The following SLC25A21 variants were observed in gnomAD, a reference collection of about 807,000 sequenced individuals.
SLC25A21 encodes solute carrier family 25 member 21.
In SLC25A21, 47 loss-of-function variants were observed where a neutral mutation model predicts 43.8. That is an observed-to-expected ratio of 1.07 (90% CI 0.85 to 1.37). The LOEUF (loss-of-function observed/expected upper bound fraction) is 1.37, where lower values mean the gene tolerates loss of function less well. Ranked by LOEUF, SLC25A21 falls within the 40% of genes most tolerant of loss-of-function variation. SLC25A21 has a pLI of 0.00. For missense variants in SLC25A21, 352 were observed against 350.2 expected, an observed-to-expected ratio of 1.00 and a Z score of -0.04; for synonymous variants, 131 against 121.3, an observed-to-expected ratio of 1.08 and a Z score of -0.52.
At chr14:37,071,115 C>A (rs1382073896) in intron 1 of SLC25A21, among the ~76,000 whole-genome samples, 1 of 152,158 alleles carries the variant, frequency 6.6e-6, no homozygotes, top group Non-Finnish European at 1.5e-5. Flanking sequence ...AAATGATTAG[C>A]CATTTGTAAA....
At chr14:37,047,871 GA>G (rs1488309426) in intron 1 of SLC25A21, among the ~76,000 whole-genome samples, 1 of 152,116 alleles carries the variant, frequency 6.6e-6, no homozygotes, top group African/African-American at 2.4e-5. Context: ...GCTTATCAGG[GA>G]AAACAACAAG....
At chr14:36,877,673 G>A (rs1177609) in intron 1 of SLC25A21, among the ~76,000 whole-genome samples, 55,899 of 151,906 alleles carry the variant, frequency 0.37, 10,579 homozygotes, top group East Asian at 0.43. Context: ...GAGGGGTAGG[G>A]AAGGGATTCA....
chr14:36,682,230 G>A (rs1882308105), intron 9 of SLC25A21, among the ~76,000 whole-genome samples: 1 of 149,700 alleles, frequency 6.7e-6, no homozygotes, highest in African/African-American at 2.5e-5. Flanking sequence ...TCATTCAAAA[G>A]TCTTAATCTT....
At chr14:36,776,557 G>C (rs1464934820) in intron 3 of SLC25A21, among the ~76,000 whole-genome samples, 2 of 151,824 alleles carry the variant, frequency 1.3e-5, no homozygotes, top group Admixed American at 6.6e-5. Flanking sequence ...TGCTTTCTTT[G>C]TTCCTATAAT....
At chr14:36,984,954 A>C (rs1278619582) in intron 1 of SLC25A21, among the ~76,000 whole-genome samples, 2 of 151,490 alleles carry the variant, frequency 1.3e-5, no homozygotes, top group South Asian at 2.1e-4. Context: ...AGACTGGATT[A>C]AGAAAATGTG....
Position 37,148,753 on chromosome 14 carries a change from T to C in SLC25A21, c.70+23528A>G, listed in dbSNP as rs138425869. ...GACTTGGTCTCTTCCTTAGAGGGGC[T>C]CACTCTTCATAAGACTTAAAAAACA... On this transcript the variant is annotated intron_variant, in intron 1 of 9. Transcript: ENST00000331299. 2.0e-3 allele frequency among the ~76,000 whole-genome samples: 309 copies of C among 152,230 alleles called. 3 individuals are homozygous for C. The highest frequency in any genetic ancestry group is 0.01 in the Middle Eastern group (3 of 294).
chr14:37,037,855 C>T (rs77415594), intron 1 of SLC25A21, among the ~76,000 whole-genome samples: 3,869 of 152,214 alleles, frequency 0.025, 171 homozygotes, highest in African/African-American at 0.088. Flanking sequence ...CTCTACTCAA[C>T]CAGAATCACT....
intron 3 of SLC25A21, 89 bp from the exon 4 acceptor site, chr14:36,734,662 G>A (rs905505022): frequency 5.5e-5 from 54 of 984,474 alleles, no homozygotes; most frequent in Admixed American, 1.5e-4. Context: ...AAGTATTCCC[G>A]ATTATTCAAC....
chr14:36,778,147 T>G (rs1886903856), intron 3 of SLC25A21, among the ~76,000 whole-genome samples: 2 of 152,194 alleles, frequency 1.3e-5, no homozygotes, highest in East Asian at 3.9e-4. Flanking sequence ...CTCCCTTCCT[T>G]CTTGTCTTAA....
At chr14:36,810,204 A>G (rs911338227) in intron 3 of SLC25A21, among the ~76,000 whole-genome samples, 1 of 152,176 alleles carries the variant, frequency 6.6e-6, no homozygotes, top group Non-Finnish European at 1.5e-5. Flanking sequence ...TCTAGAAGCA[A>G]TTATACATAC....
At chr14:36,956,974 C>A (rs1959357891) in intron 1 of SLC25A21, among the ~76,000 whole-genome samples, 1 of 152,118 alleles carries the variant, frequency 6.6e-6, no homozygotes, top group Non-Finnish European at 1.5e-5. Context: ...ATGAATAAAA[C>A]CAGAGCTTTT....
intron 6 of SLC25A21, among the ~76,000 whole-genome samples, chr14:36,724,498 T>C (rs189440028): frequency 1.3e-5 from 2 of 152,194 alleles, no homozygotes; most frequent in Non-Finnish European, 2.9e-5. Context: ...CAAACCAATT[T>C]CTACCACATG....
chr14:37,165,579 G>T (rs1221833803), intron 1 of SLC25A21, among the ~76,000 whole-genome samples: 1 of 152,152 alleles, frequency 6.6e-6, no homozygotes, highest in Admixed American at 6.5e-5. Flanking sequence ...GAGGCAGGAG[G>T]AGGGTCCTGG....
At chr14:36,793,533 C>CAAAAAAAAAAAAAAAA (rs35553282) in intron 3 of SLC25A21, among the ~76,000 whole-genome samples, 1 of 125,936 alleles carries the variant, frequency 7.9e-6, no homozygotes, top group Non-Finnish European at 1.7e-5. Flanking sequence ...AAAATACAAC[C>CAAAAAAAAAAAAAAAA]AAAAAAAAAA....
chr14:36,720,713 CTT>C (rs1222004297), intron 6 of SLC25A21, among the ~76,000 whole-genome samples: 3 of 152,234 alleles, frequency 2.0e-5, no homozygotes, highest in Non-Finnish European at 2.9e-5. Flanking sequence ...GAAGAAATCT[CTT>C]GATTGTGGTA....
rs183462201 is a variant in SLC25A21, at chr14:36,894,260, T to A, written c.71-19256A>T. On this transcript the variant is annotated intron_variant, in intron 1 of 9. Transcript: ENST00000331299. Reference sequence around the variant, plus strand: ...TCCTTGAGGAGGTCCTTCACATCCCTTGTAAGTTGGATTTCTAGGTATTTT... The same window carrying A: ...TCCTTGAGGAGGTCCTTCACATCCCATGTAAGTTGGATTTCTAGGTATTTT... 4.8e-3 allele frequency among the ~76,000 whole-genome samples: 727 copies of A among 152,298 alleles called. 3 individuals are homozygous for A. Among genetic ancestry groups the A allele is most frequent in the Non-Finnish European group, 8.4e-3 (570 of 68,032 alleles).
chr14:37,131,443 G>T (rs747161033), intron 1 of SLC25A21, among the ~76,000 whole-genome samples: 33 of 152,172 alleles, frequency 2.2e-4, no homozygotes, highest in Admixed American at 3.9e-4. Context: ...CAATGCTGTT[G>T]TCTGTCAGCA....
chr14:36,703,814 T>A (rs1883382050), intron 7 of SLC25A21, among the ~76,000 whole-genome samples: 1 of 152,222 alleles, frequency 6.6e-6, no homozygotes, highest in Non-Finnish European at 1.5e-5. Flanking sequence ...ATCCCCAACT[T>A]GGAATGGTAA....
chr14:36,689,629 T>C (rs1219957472), intron 7 of SLC25A21, among the ~76,000 whole-genome samples: 1 of 152,162 alleles, frequency 6.6e-6, no homozygotes, highest in Admixed American at 6.5e-5. Flanking sequence ...TGGAGTCCAG[T>C]TACTCACATC....
Sources: gnomAD v4.1 joint callset for allele counts (sites outside exome capture counted in the v4.1 genomes callset) on GRCh38, gnomAD v4.1.1 for gene constraint, MANE v1.5 for transcripts, NCBI Gene and HGNC (gene_info 2026-07-23, HGNC 2026-07-21) for gene names.